The following BANK1 variants were observed in gnomAD, a reference collection of about 807,000 sequenced individuals.
BANK1 encodes B cell scaffold protein with ankyrin repeats 1.
In BANK1, 95 loss-of-function variants were observed where a neutral mutation model predicts 94.5. The observed-to-expected ratio is 1.00, with a 90% CI of 0.85 to 1.19. BANK1 has a LOEUF of 1.19. BANK1 is among the 50% of genes most tolerant of loss of function. The pLI is 0.00. For missense variants in BANK1, 987 were observed against 932.2 expected (o/e 1.06, Z -0.77); for synonymous variants, 334 against 308.4 (o/e 1.08, Z -0.87).
intron 10 of BANK1, among the ~76,000 whole-genome samples, chr4:102,033,581 C>G (rs1727401127): frequency 6.6e-6 from 1 of 152,172 alleles, no homozygotes; most frequent in Non-Finnish European, 1.5e-5. Context: ...CACGTAGAAA[C>G]ATTAAAGAAT....
intron 2 of BANK1, among the ~76,000 whole-genome samples, chr4:101,843,372 C>T (rs1367291636): frequency 6.6e-6 from 1 of 152,192 alleles, no homozygotes; most frequent in Non-Finnish European, 1.5e-5. Context: ...TACCAAATTA[C>T]TCTGCTCAAA....
chr4:102,004,096 T>C (rs547225270), intron 7 of BANK1, among the ~76,000 whole-genome samples: 8 of 152,198 alleles, frequency 5.3e-5, no homozygotes, highest in East Asian at 1.9e-4. Flanking sequence ...TGGCCTGTTA[T>C]ATATTTGTTT....
intron 2 of BANK1, among the ~76,000 whole-genome samples, chr4:101,843,993 T>A (rs1454609869): frequency 6.6e-6 from 1 of 152,204 alleles, no homozygotes; most frequent in Admixed American, 6.5e-5. Flanking sequence ...TTGGAATACA[T>A]ATATTCCCCT....
Position 101,888,801 on chromosome 4 carries a change from G to A in BANK1, c.904-6504G>A, listed in dbSNP as rs76455626. Among the ~76,000 whole-genome samples the A allele has an allele frequency of 4.3e-3, 654 of 152,266 alleles. 7 individuals are homozygous for A. In the East Asian group the frequency reaches 0.047, roughly 11 times the overall value. ...ACTATTAGTTAAACTGTTTGAATCC[G>A]TTCATTGCATGCTTATTCCTATAAC... On this transcript the variant is annotated intron_variant, in intron 5 of 16. Transcript: ENST00000322953.
chr4:101,850,415 G>A (rs1216722635), intron 2 of BANK1, among the ~76,000 whole-genome samples: 1 of 151,800 alleles, frequency 6.6e-6, no homozygotes, highest in African/African-American at 2.4e-5. Context: ...GGGATTACAG[G>A]CGTGTGCCAT....
intron 7 of BANK1, among the ~76,000 whole-genome samples, chr4:101,970,752 A>G (rs989799253): frequency 4.7e-4 from 71 of 152,218 alleles, no homozygotes; most frequent in African/African-American, 1.7e-3. Flanking sequence ...CTCCCCAGAT[A>G]GATGTTTGCT....
intron 2 of BANK1, among the ~76,000 whole-genome samples, chr4:101,833,047 T>C (rs934625890): frequency 6.6e-6 from 1 of 152,112 alleles, no homozygotes; most frequent in Non-Finnish European, 1.5e-5. Flanking sequence ...TGGCACAATC[T>C]CAGCTCACTG....
chr4:101,867,558 T>A (rs1033651787), intron 4 of BANK1, among the ~76,000 whole-genome samples: 8 of 151,952 alleles, frequency 5.3e-5, no homozygotes, highest in African/African-American at 9.7e-5. Flanking sequence ...AATGTGTGTC[T>A]GAAGTAAACA....
At chr4:101,946,574 G>C (rs1723937958) in intron 7 of BANK1, among the ~76,000 whole-genome samples, 1 of 151,886 alleles carries the variant, frequency 6.6e-6, no homozygotes, top group South Asian at 2.1e-4. Context: ...AACTAGAAAA[G>C]TCAAAGGAAC....
chr4:101,822,618 T>A (rs947458361), intron 1 of BANK1, among the ~76,000 whole-genome samples: 1 of 114,676 alleles, frequency 8.7e-6, no homozygotes, highest in Non-Finnish European at 1.8e-5. Flanking sequence ...GAATCAATAC[T>A]TTTTTTTTTT....
chr4:102,073,237 GTA>G (rs35992866), intron 15 of BANK1, among the ~76,000 whole-genome samples: 44,272 of 147,952 alleles, frequency 0.3, 7,837 homozygotes, highest in South Asian at 0.44. Context: ...GTGCATATAT[GTA>G]TATATATATA....
At chr4:102,073,529 C>T (rs1447014297) in intron 15 of BANK1, among the ~76,000 whole-genome samples, 155 bp from the exon 16 acceptor site, 1 of 151,930 alleles carries the variant, frequency 6.6e-6, no homozygotes, top group Non-Finnish European at 1.5e-5. Flanking sequence ...GATTCTGTTT[C>T]CTTTTAAAAT....
intron 1 of BANK1, among the ~76,000 whole-genome samples, chr4:101,795,436 T>G (rs1391789581): frequency 6.6e-6 from 1 of 152,028 alleles, no homozygotes; most frequent in Non-Finnish European, 1.5e-5. Context: ...TTTTCTAGGA[T>G]GGGGAGTGGA....
intron 5 of BANK1, among the ~76,000 whole-genome samples, chr4:101,879,031 C>T (rs1015374691): frequency 4.6e-5 from 7 of 151,246 alleles, no homozygotes; most frequent in South Asian, 2.1e-4. Flanking sequence ...AACAATGTAC[C>T]GATACATCTT....
At chr4:101,817,554 G>C (rs559793340) in intron 1 of BANK1, among the ~76,000 whole-genome samples, 1 of 152,210 alleles carries the variant, frequency 6.6e-6, no homozygotes, top group African/African-American at 2.4e-5. Flanking sequence ...GGAGGGAGAG[G>C]ATCAGGAAGA....
chr4:101,880,544 A>G (rs1728639359), intron 5 of BANK1, among the ~76,000 whole-genome samples: 1 of 152,118 alleles, frequency 6.6e-6, no homozygotes, highest in Non-Finnish European at 1.5e-5. Flanking sequence ...CAAAATACCA[A>G]TCACATTCTT....
At chr4:101,972,709 C>T (rs139939396) in intron 7 of BANK1, 13 of 152,172 alleles carry the variant, frequency 8.5e-5, no homozygotes, top group Non-Finnish European at 1.5e-4. Context: ...TGCCCTTATA[C>T]CTAAAATTCA....
chr4:102,055,609 CT>C (rs1728201376), intron 11 of BANK1, among the ~76,000 whole-genome samples: 1 of 151,942 alleles, frequency 6.6e-6, no homozygotes, highest in African/African-American at 2.4e-5. Flanking sequence ...AACTATAAGA[CT>C]CTTAAAAATT....
At chr4:101,820,409 A>G (rs1473763967) in intron 1 of BANK1, among the ~76,000 whole-genome samples, 1 of 152,172 alleles carries the variant, frequency 6.6e-6, no homozygotes, top group Non-Finnish European at 1.5e-5. Context: ...CATCTGTACT[A>G]AGAAAAGTTG....
Sources: allele counts gnomAD v4.1 joint callset (sites outside exome capture counted in the v4.1 genomes callset), GRCh38; gene constraint gnomAD v4.1.1; transcripts MANE v1.5; gene names NCBI Gene and HGNC (gene_info 2026-07-23, HGNC 2026-07-21).